Variants in CRB1 observed in about 807,000 individuals in gnomAD.
The protein encoded by CRB1 is protein crumbs homolog 1.
CRB1 carries 83 observed loss-of-function variants against 120.0 expected under a neutral mutation model. That is an observed-to-expected ratio of 0.69 (90% CI 0.58 to 0.83). The LOEUF (loss-of-function observed/expected upper bound fraction) is 0.83. Ranked by LOEUF, CRB1 falls within the 40% of genes least tolerant of loss-of-function variation. CRB1 has a pLI of 0.00. For synonymous variants in CRB1, 625 were observed against 612.5 expected, an observed-to-expected ratio of 1.02 and a Z score of -0.30; for missense variants, 1,699 against 1,687.6, an observed-to-expected ratio of 1.01 and a Z score of -0.12.
intron 7 of CRB1, 143 bp from the exon 8 acceptor site, chr1:197,429,306 A>C: frequency 7.8e-7 from 1 of 1,282,510 alleles, no homozygotes. Context: ...TATTCTATTT[A>C]GTTAACAATG....
the CRB1 span, among the ~76,000 whole-genome samples, chr1:197,241,088 T>A: frequency 6.6e-6 from 1 of 152,208 alleles, no homozygotes; most frequent in East Asian, 1.9e-4. Flanking sequence ...TCCTTGTAGA[T>A]TCTGGATATT....
At chr1:197,374,535 T>C (rs2125388595) in intron 5 of CRB1, among the ~76,000 whole-genome samples, 2 of 152,176 alleles carry the variant, frequency 1.3e-5, no homozygotes, top group Admixed American at 1.3e-4. Context: ...TAACTTGAGA[T>C]CTCATATAAC....
At chr1:197,468,991 C>T (rs909515219) in intron 11 of CRB1, among the ~76,000 whole-genome samples, 3 of 152,200 alleles carry the variant, frequency 2.0e-5, no homozygotes, top group Non-Finnish European at 4.4e-5. Context: ...AACCCCCCGG[C>T]CCCGGCACTA....
intron 1 of CRB1, among the ~76,000 whole-genome samples, chr1:197,306,020 G>A (rs942505805): frequency 2.0e-5 from 3 of 152,062 alleles, no homozygotes; most frequent in Non-Finnish European, 4.4e-5. Flanking sequence ...GATGATAGGT[G>A]GGGAAAAGGA....
chr1:197,221,090 G>A, the CRB1 span, among the ~76,000 whole-genome samples: 1 of 152,156 alleles, frequency 6.6e-6, no homozygotes, highest in Non-Finnish European at 1.5e-5. Flanking sequence ...CTTGTGTTTT[G>A]CCTGGGGTGC....
intron 2 of CRB1, among the ~76,000 whole-genome samples, chr1:197,342,517 T>C (rs199564397): frequency 1.3e-5 from 2 of 152,236 alleles, no homozygotes; most frequent in African/African-American, 2.4e-5. Context: ...TAATTTTAGC[T>C]ATATATTTGC....
At chr1:197,288,812 ACAAAG>A (rs1183895450) in intron 1 of CRB1, among the ~76,000 whole-genome samples, 2 of 151,830 alleles carry the variant, frequency 1.3e-5, no homozygotes, top group African/African-American at 4.8e-5. Context: ...AGAAAACAAA[ACAAAG>A]CAAAGCAAAC....
intron 5 of CRB1, among the ~76,000 whole-genome samples, chr1:197,389,636 A>C (rs1272599374): frequency 1.3e-5 from 2 of 152,076 alleles, no homozygotes; most frequent in Non-Finnish European, 2.9e-5. Flanking sequence ...CAGCAACGTG[A>C]ATGTAGTTAA....
chr1:197,294,320 C>A (rs927475463), intron 1 of CRB1, among the ~76,000 whole-genome samples: 7 of 152,254 alleles, frequency 4.6e-5, no homozygotes, highest in African/African-American at 1.7e-4. Flanking sequence ...AAAAAATATT[C>A]ATCATCACTG....
intron 4 of CRB1, among the ~76,000 whole-genome samples, chr1:197,350,293 C>T (rs569129613): frequency 1.2e-4 from 18 of 152,150 alleles, no homozygotes; most frequent in South Asian, 2.1e-4. Flanking sequence ...CTCTAAGTTC[C>T]TCATCTGCAA....
chr1:197,426,698 TCCTGTG>T, intron 6 of CRB1, among the ~76,000 whole-genome samples: 1 of 152,284 alleles, frequency 6.6e-6, no homozygotes, highest in East Asian at 1.9e-4. Context: ...GTTCTCTGTT[TCCTGTG>T]CCTTTCCTAC....
At chr1:197,217,466 A>G in the CRB1 span, among the ~76,000 whole-genome samples, 493 of 152,358 alleles carry the variant, frequency 3.2e-3, 1 homozygote, top group African/African-American at 0.011. Context: ...TGGTATATCC[A>G]TGCAAATGAA....
chr1:197,323,279 T>C (rs1658309416), intron 1 of CRB1, among the ~76,000 whole-genome samples: 1 of 152,214 alleles, frequency 6.6e-6, no homozygotes, highest in Non-Finnish European at 1.5e-5. Context: ...TTAAAACTTT[T>C]GGATCTTCTT....
At position 197,439,525 on chromosome 1, in the gene CRB1, G is replaced by C. The variant is rs192778872; in HGVS notation, c.3878+850G>C. The C allele has an allele frequency of 1.2e-4, 18 of 152,274 alleles. No individual in the cohort carries two copies. In the East Asian group the frequency reaches 3.5e-3, roughly 29 times the overall value. 9.4% of individuals were successfully genotyped at this position (152,274 alleles called of 1,614,324 possible). A position where few individuals can be genotyped will look rare whatever the true frequency, so the allele number is the denominator to read the frequency against. Reference sequence around the variant, plus strand: ...CACACGTTTGCTGCAGTAAGGTTGAGCTGCCTTCAAAGCCTCTGCTCTTCT... The same window carrying C: ...CACACGTTTGCTGCAGTAAGGTTGACCTGCCTTCAAAGCCTCTGCTCTTCT... On this transcript the variant is annotated intron_variant, in intron 10 of 11. Coordinates refer to ENST00000367400, the MANE Select transcript of CRB1 (RefSeq NM_201253.3).
At chr1:197,390,384 A>G (rs1662437939) in intron 5 of CRB1, among the ~76,000 whole-genome samples, 1 of 152,146 alleles carries the variant, frequency 6.6e-6, no homozygotes, top group Non-Finnish European at 1.5e-5. Flanking sequence ...GCCCTCGCTT[A>G]GTGCCAGCAG....
At chr1:197,215,126 T>C in the CRB1 span, among the ~76,000 whole-genome samples, 14 of 152,268 alleles carry the variant, frequency 9.2e-5, no homozygotes, top group East Asian at 9.6e-4. Flanking sequence ...CATTCTTCAA[T>C]GATAAAAACT....
At chr1:197,215,605 C>G in the CRB1 span, among the ~76,000 whole-genome samples, 35 of 152,130 alleles carry the variant, frequency 2.3e-4, no homozygotes, top group African/African-American at 8.0e-4. Context: ...AAGTAGTTAC[C>G]TCCATGCTGT....
the CRB1 span, chr1:197,222,760 T>C: frequency 1.3e-5 from 14 of 1,071,458 alleles, no homozygotes; most frequent in East Asian, 2.4e-5. Context: ...TTGCTCTTTC[T>C]TTCTGAACTC....
intron 2 of CRB1, among the ~76,000 whole-genome samples, chr1:197,330,469 A>G (rs1658781786): frequency 6.6e-6 from 1 of 152,212 alleles, no homozygotes; most frequent in Non-Finnish European, 1.5e-5. Flanking sequence ...ATTTGGGCCC[A>G]TGACAGTGGC....
Sources: gnomAD v4.1 joint callset for allele counts (sites outside exome capture counted in the v4.1 genomes callset) on GRCh38, gnomAD v4.1.1 for gene constraint, MANE v1.5 for transcripts, NCBI Gene and HGNC (gene_info 2026-07-23, HGNC 2026-07-21) for gene names.